Variants in PLEKHG1 observed in about 807,000 individuals in gnomAD.
PLEKHG1 encodes pleckstrin homology domain-containing family G member 1.
Under a neutral mutation model 100.8 loss-of-function variants are expected in PLEKHG1, and 44 were observed. That is an observed-to-expected ratio of 0.44 (90% CI 0.34 to 0.56). PLEKHG1 has a LOEUF of 0.56. Ranked by LOEUF, PLEKHG1 falls within the 20% of genes least tolerant of loss-of-function variation. The probability of loss-of-function intolerance (pLI) is 0.01; values close to 1 mark genes in which losing one functional copy is unlikely to be tolerated. For synonymous variants in PLEKHG1, 640 were observed against 662.5 expected, an observed-to-expected ratio of 0.97 and a Z score of 0.52; for missense variants, 1,545 against 1,720.9, an observed-to-expected ratio of 0.90 and a Z score of 1.81.
chr6:150,681,197 A>G (rs367934846), intron 3 of PLEKHG1, among the ~76,000 whole-genome samples: 22 of 152,200 alleles, frequency 1.4e-4, no homozygotes, highest in African/African-American at 5.1e-4. Flanking sequence ...AGAACAATTC[A>G]GCCTGGGTAG....
intron 13 of PLEKHG1, among the ~76,000 whole-genome samples, 167 bp downstream of exon 14, chr6:150,821,400 A>G (rs1307990998): frequency 6.6e-6 from 1 of 152,194 alleles, no homozygotes; most frequent in Non-Finnish European, 1.5e-5. Context: ...ATATATAGTC[A>G]AAGCCAGGCA....
chr6:150,608,154 C>A (rs569543079), intron 1 of PLEKHG1, among the ~76,000 whole-genome samples: 1 of 152,302 alleles, frequency 6.6e-6, no homozygotes, highest in African/African-American at 2.4e-5. Context: ...TGAAGCATTA[C>A]CTTTAGCCAC....
chr6:150,699,510 C>G (rs1209889124), intron 3 of PLEKHG1, among the ~76,000 whole-genome samples: 3 of 152,202 alleles, frequency 2.0e-5, no homozygotes, highest in African/African-American at 4.8e-5. Context: ...TGTACTTACT[C>G]AGGTCACACC....
chr6:150,640,410 G>C (rs1171420421), intron 2 of PLEKHG1, among the ~76,000 whole-genome samples: 1 of 152,158 alleles, frequency 6.6e-6, no homozygotes, highest in Admixed American at 6.5e-5. Context: ...TCATGTTCCT[G>C]CCTTTGTCAT....
At chr6:150,797,249 G>A (rs1235749825) in intron 5 of PLEKHG1, among the ~76,000 whole-genome samples, 1 of 152,114 alleles carries the variant, frequency 6.6e-6, no homozygotes, top group Non-Finnish European at 1.5e-5. Context: ...TAAAGTGGAT[G>A]GTGGGATCCA....
At chr6:150,668,627 G>C (rs969380809) in intron 3 of PLEKHG1, among the ~76,000 whole-genome samples, 3 of 152,104 alleles carry the variant, frequency 2.0e-5, no homozygotes, top group African/African-American at 7.2e-5. Context: ...CACTCAGCTG[G>C]GCGCAGTGTT....
At chr6:150,795,728 A>T in intron 4 of PLEKHG1, 128 bp from the exon 6 acceptor site, 1 of 392,736 alleles carries the variant, frequency 2.5e-6, no homozygotes, top group Non-Finnish European at 4.4e-6. Flanking sequence ...GCCTAAAAAA[A>T]AAAACAAAAA....
At position 150,683,737 on chromosome 6, in the gene PLEKHG1, C is replaced by G. The variant is rs1225084658; in HGVS notation, c.-99+32951C>G. The stretch of plus-strand genomic sequence containing the variant: ...ACACGGACCCCTCTGCGCTAGTATC[C>G]AGGGCATAGGACGTCTGAAGGAAAG... On this transcript the variant is annotated intron_variant, in intron 3 of 3. Transcript: ENST00000367326. The surrounding 1 kb of genome is among the most constrained non-coding windows in gnomAD (Gnocchi z 4.0). 8.0e-7 allele frequency: 1 copy of G among 1,254,448 alleles called. No individual in the cohort carries two copies. Among genetic ancestry groups the G allele is most frequent in the Admixed American group, 2.5e-5 (1 of 40,810 alleles). 77.7% of individuals were successfully genotyped at this position (1,254,448 alleles called of 1,614,324 possible).
At chr6:150,656,803 T>C (rs62434110) in intron 3 of PLEKHG1, among the ~76,000 whole-genome samples, 12,807 of 152,176 alleles carry the variant, frequency 0.084, 619 homozygotes, top group South Asian at 0.17. Flanking sequence ...TATGAATGGA[T>C]TGAAGCAATA....
rs1385898613 is a variant in PLEKHG1 at position 150,676,971 on chromosome 6, T to C, written c.-99+26185T>C. 2.0e-5 allele frequency among the ~76,000 whole-genome samples: 3 copies of C among 152,120 alleles called. No individual in the cohort carries two copies. The South Asian group carries it at 6.2e-4, about 32-fold the overall frequency. ...ATCAATTCTCAAACTATAGGCATTC[T>C]CCCTGCAGCTGCCTTTATCCAGGCT... On this transcript the variant is annotated intron_variant, in intron 3 of 3. Coordinates refer to the PLEKHG1 transcript ENST00000367326.
chr6:150,609,145 A>G (rs1776722664), intron 1 of PLEKHG1, among the ~76,000 whole-genome samples: 1 of 152,356 alleles, frequency 6.6e-6, no homozygotes, highest in Middle Eastern at 3.4e-3. Context: ...TAGAGACCCA[A>G]TGTTCATTAC....
intron 3 of PLEKHG1, among the ~76,000 whole-genome samples, chr6:150,774,865 TTC>T (rs1217588449): frequency 6.6e-6 from 1 of 151,992 alleles, no homozygotes; most frequent in Non-Finnish European, 1.5e-5. Flanking sequence ...TTTTTAAAAA[TTC>T]TTTTTTAAAA....
chr6:150,759,282 G>A (rs968760631), intron 2 of PLEKHG1, among the ~76,000 whole-genome samples: 1 of 152,142 alleles, frequency 6.6e-6, no homozygotes, highest in East Asian at 1.9e-4. Flanking sequence ...AGTGGGTACC[G>A]CATGTGAATG....
chr6:150,627,876 T>C (rs1777569768), intron 1 of PLEKHG1, among the ~76,000 whole-genome samples: 1 of 152,166 alleles, frequency 6.6e-6, no homozygotes, highest in Non-Finnish European at 1.5e-5. Context: ...AAATCCAAGA[T>C]TACATAGATA....
intron 1 of PLEKHG1, among the ~76,000 whole-genome samples, chr6:150,614,395 T>C: frequency 6.6e-6 from 1 of 152,176 alleles, no homozygotes; most frequent in East Asian, 1.9e-4. Context: ...TCTTCATGCA[T>C]AAAATGGGAG....
chr6:150,798,765 G>C (rs80108596), intron 5 of PLEKHG1, among the ~76,000 whole-genome samples: 7,221 of 152,258 alleles, frequency 0.047, 251 homozygotes, highest in East Asian at 0.13. Flanking sequence ...TTTAGAGTTA[G>C]AGTCTCGCTC....
chr6:150,813,313 A>C (rs1583182014), intron 10 of PLEKHG1, among the ~76,000 whole-genome samples: 1 of 151,568 alleles, frequency 6.6e-6, no homozygotes, highest in South Asian at 2.1e-4. Context: ...TCAAAAAAAA[A>C]AAAAAACAAA....
intron 3 of PLEKHG1, among the ~76,000 whole-genome samples, chr6:150,777,342 C>T (rs1265317936): frequency 6.6e-6 from 1 of 151,644 alleles, no homozygotes; most frequent in Non-Finnish European, 1.5e-5. Context: ...CACACTGATG[C>T]AGTCCTGGTG....
At chr6:150,612,051 C>CA (rs932877215) in intron 1 of PLEKHG1, among the ~76,000 whole-genome samples, 4 of 109,266 alleles carry the variant, frequency 3.7e-5, no homozygotes, top group Non-Finnish European at 8.0e-5. Context: ...TTGTTCCCCC[C>CA]CCCCCCCCCT....
Sources: allele counts gnomAD v4.1 joint callset (sites outside exome capture counted in the v4.1 genomes callset), GRCh38; gene constraint gnomAD v4.1.1; non-coding constraint Gnocchi (gnomAD v3.1); transcripts MANE v1.5; gene names NCBI Gene and HGNC (gene_info 2026-07-23, HGNC 2026-07-21).